The following PIK3AP1 variants were observed in gnomAD, a reference collection of about 807,000 sequenced individuals.
The protein encoded by PIK3AP1 is phosphoinositide-3-kinase adaptor protein 1.
Under a neutral mutation model 88.1 loss-of-function variants are expected in PIK3AP1, and 21 were observed. The observed-to-expected ratio is 0.24, with a 90% CI of 0.17 to 0.34. The LOEUF is 0.34. Among genes scored for constraint, PIK3AP1 ranks in the 10% least tolerant of loss-of-function variants. The pLI is 1.00. For missense variants in PIK3AP1, 828 were observed against 1,035.7 expected (o/e 0.80, Z 2.75); for synonymous variants, 398 against 400.0 (o/e 1.00, Z 0.06).
At chr10:96,685,472 A>C (rs1844056152) in intron 2 of PIK3AP1, among the ~76,000 whole-genome samples, 1 of 152,212 alleles carries the variant, frequency 6.6e-6, no homozygotes, top group African/African-American at 2.4e-5. Flanking sequence ...ATGCTGATGA[A>C]ATAGCAGACA....
chr10:96,603,380 A>G lies in PIK3AP1; in HGVS notation c.2241+599T>C, dbSNP rs1243428748. On this transcript the variant is annotated intron_variant, in intron 15 of 16. Coordinates refer to ENST00000339364, the MANE Select transcript of PIK3AP1 (RefSeq NM_152309.3). ...TGGGTGTGTCTGTGAGGGTGTTGCC[A>G]AAGGAGATTAACATTTGAGTCAGTG... Among the ~76,000 whole-genome samples, 2 of 152,180 alleles carry G rather than the reference A, an allele frequency of 1.3e-5. 1 individual carries two copies. The highest frequency in any genetic ancestry group is 2.9e-5 in the Non-Finnish European group (2 of 68,040).
chr10:96,595,746 A>C, intron 16 of PIK3AP1, 112 bp from the exon 17 acceptor site: 1 of 978,586 alleles, frequency 1.0e-6, no homozygotes, highest in Non-Finnish European at 1.6e-6. Flanking sequence ...ACAATCCTCA[A>C]TGAGACAGGA....
At chr10:96,616,443 G>A (rs1454473604) in intron 13 of PIK3AP1, among the ~76,000 whole-genome samples, 196 bp downstream of exon 13, 1 of 152,190 alleles carries the variant, frequency 6.6e-6, no homozygotes, top group African/African-American at 2.4e-5. Context: ...CCAGGTACCA[G>A]ATTGTTTACA....
chr10:96,634,754 T>G (rs1183403809), intron 8 of PIK3AP1, among the ~76,000 whole-genome samples: 3 of 152,194 alleles, frequency 2.0e-5, no homozygotes, highest in Non-Finnish European at 2.9e-5. Context: ...AAATTACCAT[T>G]TAAAACAACT....
At chr10:96,659,859 C>T (rs1843662708) in intron 2 of PIK3AP1, among the ~76,000 whole-genome samples, 1 of 151,870 alleles carries the variant, frequency 6.6e-6, no homozygotes, top group South Asian at 2.1e-4. Context: ...AGAGTAAAAG[C>T]CACACAACCT....
intron 2 of PIK3AP1, among the ~76,000 whole-genome samples, chr10:96,664,452 T>C (rs1051440879): frequency 6.6e-6 from 1 of 152,164 alleles, no homozygotes; most frequent in Non-Finnish European, 1.5e-5. Flanking sequence ...TCTTTGATAA[T>C]GGGGGTAGGG....
intron 14 of PIK3AP1, 51 bp from the exon 15 acceptor site, chr10:96,604,100 A>G (rs774885990): frequency 1.8e-5 from 25 of 1,396,164 alleles, no homozygotes; most frequent in Non-Finnish European, 3.9e-6. Context: ...TCAGGCTAAA[A>G]TAAAATAGAG....
intron 2 of PIK3AP1, among the ~76,000 whole-genome samples, chr10:96,678,883 T>C (rs1289114859): frequency 2.6e-5 from 4 of 152,164 alleles, no homozygotes; most frequent in Admixed American, 2.0e-4. Context: ...CACAGACCCC[T>C]GTAGGGGAAG....
intron 2 of PIK3AP1, among the ~76,000 whole-genome samples, chr10:96,676,308 CTTTTT>C (rs147680543): frequency 7.9e-6 from 1 of 126,638 alleles, no homozygotes; most frequent in African/African-American, 3.1e-5. Flanking sequence ...TGTGACCTTG[CTTTTT>C]TTTTTTTTTT....
intron 12 of PIK3AP1, 26 bp from the exon 13 acceptor site, chr10:96,616,737 TA>T: frequency 1.2e-6 from 2 of 1,602,280 alleles, no homozygotes; most frequent in Non-Finnish European, 1.7e-6. Flanking sequence ...GTTTATTTTT[TA>T]AGTGTACAAC....
intron 9 of PIK3AP1, 116 bp from the exon 10 acceptor site, chr10:96,627,021 G>C: frequency 1.0e-6 from 1 of 952,994 alleles, no homozygotes; most frequent in Non-Finnish European, 1.7e-6. Context: ...CCCTGGCAAA[G>C]GACTTTCCCC....
intron 8 of PIK3AP1, among the ~76,000 whole-genome samples, chr10:96,629,930 A>AAAAACAAGAAG (rs776780994): frequency 1.8e-3 from 25 of 13,724 alleles, no homozygotes; most frequent in African/African-American, 4.6e-3. Context: ...AAAAAAAAAA[A>AAAAACAAGAAG]AAGAAGAAGA....
intron 6 of PIK3AP1, among the ~76,000 whole-genome samples, chr10:96,649,244 A>G (rs918206348): frequency 6.6e-6 from 1 of 152,140 alleles, no homozygotes; most frequent in Non-Finnish European, 1.5e-5. Flanking sequence ...GGGCTTCACC[A>G]TGTTATCCAG....
At chr10:96,657,352 C>T (rs1474318241) in intron 2 of PIK3AP1, among the ~76,000 whole-genome samples, 1 of 152,178 alleles carries the variant, frequency 6.6e-6, no homozygotes, top group Non-Finnish European at 1.5e-5. Flanking sequence ...GTAAAACCTG[C>T]ACTGTCCAGA....
At chr10:96,610,294 C>T (rs1239401986) in intron 13 of PIK3AP1, among the ~76,000 whole-genome samples, 3 of 152,132 alleles carry the variant, frequency 2.0e-5, no homozygotes, top group Non-Finnish European at 1.5e-5. Context: ...ACAGGCTGCC[C>T]TATGCACCAA....
chr10:96,710,903 G>A (rs1844430046), intron 1 of PIK3AP1, among the ~76,000 whole-genome samples: 2 of 152,108 alleles, frequency 1.3e-5, no homozygotes, highest in African/African-American at 2.4e-5. Flanking sequence ...AAACCCTCAG[G>A]AATTGGTAGC....
intron 14 of PIK3AP1, among the ~76,000 whole-genome samples, chr10:96,608,734 A>G (rs1014341604): frequency 1.3e-5 from 2 of 152,216 alleles, no homozygotes; most frequent in Non-Finnish European, 2.9e-5. Flanking sequence ...TATGTATCAG[A>G]TTCTCAAGGG....
intron 6 of PIK3AP1, among the ~76,000 whole-genome samples, chr10:96,650,598 C>A (rs998405888): frequency 1.5e-4 from 23 of 152,178 alleles, no homozygotes; most frequent in Non-Finnish European, 1.5e-5. Context: ...GTCAATGGCA[C>A]CCAACATGCT....
intron 8 of PIK3AP1, among the ~76,000 whole-genome samples, chr10:96,642,425 C>CAAAAAAA (rs34912752): frequency 5.1e-5 from 5 of 98,960 alleles, no homozygotes; most frequent in Non-Finnish European, 8.6e-5. Context: ...GATGTTGTCT[C>CAAAAAAA]AAAAAAAAAA....
Sources: allele counts gnomAD v4.1 joint callset (sites outside exome capture counted in the v4.1 genomes callset), GRCh38; gene constraint gnomAD v4.1.1; transcripts MANE v1.5; gene names NCBI Gene and HGNC (gene_info 2026-07-23, HGNC 2026-07-21).